The following NSD2 variants were observed in gnomAD, a reference collection of about 807,000 sequenced individuals.
The protein encoded by NSD2 is nuclear receptor binding SET domain protein 2, also known as histone-lysine N-methyltransferase NSD2.
Under a neutral mutation model 139.0 loss-of-function variants are expected in NSD2, and 12 were observed. The observed-to-expected ratio is 0.09, with a 90% CI of 0.06 to 0.14. The LOEUF is 0.14. Ranked by LOEUF, NSD2 falls within the 10% of genes least tolerant of loss-of-function variation. The probability of loss-of-function intolerance (pLI) is 1.00; values close to 1 mark genes in which losing one functional copy is unlikely to be tolerated. For synonymous variants in NSD2, 669 were observed against 648.7 expected, an observed-to-expected ratio of 1.03 and a Z score of -0.48; for missense variants, 1,155 against 1,745.0, an observed-to-expected ratio of 0.66 and a Z score of 6.02.
intron 2 of NSD2, 76 bp downstream of exon 2, chr4:1,901,327 C>T (rs781172140): frequency 7.4e-5 from 96 of 1,294,670 alleles, no homozygotes; most frequent in Admixed American, 4.8e-4. Context: ...GGCACCTGCA[C>T]GAGTACTGGG....
At position 1,955,693 on chromosome 4, in the gene NSD2, G is replaced by T. The variant is rs1577537810; in HGVS notation, c.2519G>T (p.Gly840Val). 1.9e-6 allele frequency: 3 copies of T among 1,611,766 alleles called. No homozygotes were observed. Among genetic ancestry groups the T allele is most frequent in the Non-Finnish European group, 2.5e-6 (3 of 1,178,618 alleles). Residue 840 changes from glycine to valine, a missense_variant and splice_region_variant, in exon 14 of 22, where the codon GGG becomes GTG. Coordinates refer to ENST00000508803, the MANE Select transcript of NSD2 (RefSeq NM_001042424.3). The surrounding 1 kb of genome is among the most constrained non-coding windows in gnomAD (Gnocchi z 4.7). Reference sequence around the variant, plus strand: ...TGGCCGCCTCGCCCTCCTCTTGCAGGGGGGAGCCTTCTGTGCTGTGAGTCC... The same window carrying T: ...TGGCCGCCTCGCCCTCCTCTTGCAGTGGGGAGCCTTCTGTGCTGTGAGTCC... ...NVSWCFVCSK[G>V]GSLLCCESCP...
intron 18 of NSD2, among the ~76,000 whole-genome samples, chr4:1,962,737 C>T (rs1327647276): frequency 6.6e-6 from 1 of 152,142 alleles, no homozygotes; most frequent in Non-Finnish European, 1.5e-5. Flanking sequence ...GTAGCACAGT[C>T]ATAGTTCACT....
chr4:1,882,101 G>A (rs1714747137), intron 1 of NSD2, among the ~76,000 whole-genome samples: 1 of 152,194 alleles, frequency 6.6e-6, no homozygotes, highest in African/African-American at 2.4e-5. Flanking sequence ...GATTGAGTTG[G>A]TGCTGGGGAA....
chr4:1,949,763 C>T (rs1304501066), intron 9 of NSD2, among the ~76,000 whole-genome samples: 8 of 125,746 alleles, frequency 6.4e-5, no homozygotes, highest in East Asian at 2.3e-4. Context: ...GACTCTGTCT[C>T]GAGAAAAAAA....
At chr4:1,872,377 A>G (rs1252485818) in intron 1 of NSD2, among the ~76,000 whole-genome samples, 1 of 152,176 alleles carries the variant, frequency 6.6e-6, no homozygotes, top group Non-Finnish European at 1.5e-5. Context: ...ACCGTGGTTT[A>G]AAATCTCGGC....
At chr4:1,914,838 AC>A (rs1719145241) in intron 3 of NSD2, among the ~76,000 whole-genome samples, 1 of 152,116 alleles carries the variant, frequency 6.6e-6, no homozygotes, top group Non-Finnish European at 1.5e-5. Context: ...CTGGCCTTTC[AC>A]CCAACCCCCA....
intron 1 of NSD2, among the ~76,000 whole-genome samples, chr4:1,899,628 G>A (rs1032167679): frequency 1.3e-5 from 2 of 152,178 alleles, no homozygotes; most frequent in African/African-American, 2.4e-5. Context: ...TTCCCAGCTG[G>A]GGCGGGTGCC....
At chr4:1,918,727 T>C in intron 5 of NSD2, 104 bp downstream of exon 5, 2 of 1,449,916 alleles carry the variant, frequency 1.4e-6, no homozygotes, top group East Asian at 2.3e-5. Flanking sequence ...GACTCTAACA[T>C]GAGCCTTGCA....
At chr4:1,915,466 T>C (rs1204219247) in intron 3 of NSD2, among the ~76,000 whole-genome samples, 1 of 152,240 alleles carries the variant, frequency 6.6e-6, no homozygotes, top group African/African-American at 2.4e-5. Flanking sequence ...TCTTTGTTTT[T>C]CTGTGTTCTC....
Position 1,948,434 on chromosome 4 carries a change from G to A in NSD2, c.1882-2638G>A. 1 of 1,066,336 alleles carries A rather than the reference G, an allele frequency of 9.4e-7. No homozygotes were observed. The allele number at this position is 1,066,336 out of a possible 1,614,324, so 66.1% of individuals were successfully genotyped here. The stretch of plus-strand genomic sequence containing the variant: ...CTGGTGCGTGGAGGTGGAGCCTGCG[G>A]CTGGAGTAAGGCTTGCTGTGGGACG... On this transcript the variant is annotated intron_variant, in intron 9 of 21. Coordinates refer to ENST00000508803, the MANE Select transcript of NSD2 (RefSeq NM_001042424.3). This position sits in a 1 kb window ranked among gnomAD's most constrained non-coding sequence, Gnocchi z 4.5.
rs1713750952 is a variant in NSD2, at chr4:1,871,465, C to T, written c.-107C>T. The T allele has an allele frequency of 2.0e-5, 3 of 149,022 alleles. No homozygotes were observed. The South Asian group carries it at 5.4e-4, about 27-fold the overall frequency. The allele number at this position is 149,022 out of a possible 1,614,324, so 9.2% of individuals were successfully genotyped here. ...GCCGCCGCCCCCTCCCCGCCTGGGC[C>T]CTACCGCCGCACGGCCCCGGCCCCC... On this transcript the variant is annotated 5_prime_UTR_variant, in exon 1 of 22. Transcript: ENST00000508803.
intron 9 of NSD2, chr4:1,945,693 C>T (rs935356240): frequency 2.2e-5 from 23 of 1,063,162 alleles, no homozygotes; most frequent in Middle Eastern, 4.2e-4. Context: ...GTCCTTGGCT[C>T]GTTTGATCCA....
At chr4:1,910,546 TG>T (rs1718530808) in intron 3 of NSD2, among the ~76,000 whole-genome samples, 1 of 152,240 alleles carries the variant, frequency 6.6e-6, no homozygotes, top group Non-Finnish European at 1.5e-5. Context: ...AGTAATTTTC[TG>T]TTGTGGAGAT....
chr4:1,978,533 T>C, intron 21 of NSD2, 105 bp from the exon 22 acceptor site: 1 of 1,475,926 alleles, frequency 6.8e-7, no homozygotes, highest in Non-Finnish European at 9.2e-7. Context: ...CCAGCACTAT[T>C]TTGTGTTCAT....
At chr4:1,967,577 C>CAAA (rs747771794) in intron 18 of NSD2, among the ~76,000 whole-genome samples, 22 of 119,042 alleles carry the variant, frequency 1.8e-4, no homozygotes, top group African/African-American at 6.8e-4. Context: ...GACTTTGTCT[C>CAAA]AAAAAAAAAA....
At position 1,959,695 on chromosome 4, in the gene NSD2, A is replaced by T. The variant is rs574684646; in HGVS notation, c.3210A>T (p.Thr1070=). ...ACCCAGAGACCAAGATCATCAAGAC[A>T]GATGGCAAAGGGTGGGGCCTGGTCG... ...RQYPETKIIK[T]DGKGWGLVAK... The change falls in exon 17 of 22, where the codon ACA becomes ACT. Residue 1070 remains threonine, a synonymous_variant. Coordinates refer to ENST00000508803, the MANE Select transcript of NSD2 (RefSeq NM_001042424.3). 6.2e-7 allele frequency: 1 copy of T among 1,614,022 alleles called. No homozygotes were observed. Among genetic ancestry groups the T allele is most frequent in the South Asian group, 1.1e-5 (1 of 91,072 alleles).
At chr4:1,954,119 G>A (rs932211491) in intron 12 of NSD2, among the ~76,000 whole-genome samples, 19 of 151,966 alleles carry the variant, frequency 1.3e-4, no homozygotes, top group African/African-American at 4.6e-4. Flanking sequence ...TCAGTAGCTG[G>A]GATTACAGGC....
rs1433069059 is a variant in NSD2 at position 1,914,335 on chromosome 4, C to CT, written c.761-2527dup. On this transcript the variant is annotated intron_variant, in intron 3 of 21. Transcript: ENST00000508803. ...ACTGCACCCAGCCCAGAGTATGCTACTTTTTTTTTGAGATGGAGCCTTGCT... is the reference window on the plus strand; with the variant it reads ...ACTGCACCCAGCCCAGAGTATGCTACTTTTTTTTTTGAGATGGAGCCTTGCT... 2.7e-4 allele frequency among the ~76,000 whole-genome samples: 41 copies of CT among 151,358 alleles called. 1 individual carries two copies. Among genetic ancestry groups the CT allele is most frequent in the South Asian group, 1.0e-3 (5 of 4,800 alleles).
chr4:1,941,373 C>CT, intron 9 of NSD2: 1 of 1,051,118 alleles, frequency 9.5e-7, no homozygotes, highest in Middle Eastern at 4.3e-4. Flanking sequence ...GAGATCTTCT[C>CT]TGTTATTCCT....
Sources: allele counts gnomAD v4.1 joint callset (sites outside exome capture counted in the v4.1 genomes callset), GRCh38; gene constraint gnomAD v4.1.1; non-coding constraint Gnocchi (gnomAD v3.1); transcripts MANE v1.5; gene names NCBI Gene and HGNC (gene_info 2026-07-23, HGNC 2026-07-21).